ATP9B: variants seen among roughly 807,000 people sequenced by gnomAD.
ATP9B encodes probable phospholipid-transporting ATPase IIB.
ATP9B carries 110 observed loss-of-function variants against 146.1 expected under a neutral mutation model. The observed-to-expected ratio is 0.75, with a 90% CI of 0.65 to 0.88. ATP9B has a LOEUF of 0.88. ATP9B is among the 40% of genes least tolerant of loss of function. The probability of loss-of-function intolerance (pLI) is 0.00; values close to 1 mark genes in which losing one functional copy is unlikely to be tolerated. For missense variants in ATP9B, 1,499 were observed against 1,496.4 expected (o/e 1.00, Z -0.03); for synonymous variants, 604 against 569.7 (o/e 1.06, Z -0.86).
intron 7 of ATP9B, among the ~76,000 whole-genome samples, chr18:79,168,461 T>A (rs2095018681): frequency 6.6e-6 from 1 of 151,908 alleles, no homozygotes. Flanking sequence ...GGTGGAGGGC[T>A]GAGCTATGTG....
chr18:79,366,120 C>T (rs531377383), intron 26 of ATP9B, among the ~76,000 whole-genome samples: 24 of 152,352 alleles, frequency 1.6e-4, no homozygotes, highest in African/African-American at 5.3e-4. Context: ...TTTTACCGGA[C>T]ACCTGGGAGG....
At chr18:79,177,409 A>T (rs1339909381) in intron 8 of ATP9B, among the ~76,000 whole-genome samples, 7 of 145,080 alleles carry the variant, frequency 4.8e-5, no homozygotes, top group Non-Finnish European at 9.1e-5. Context: ...CCAGTTCTTA[A>T]TTTTTTTTTT....
intron 5 of ATP9B, among the ~76,000 whole-genome samples, chr18:79,130,093 G>C (rs900059534): frequency 6.6e-6 from 1 of 152,190 alleles, no homozygotes; most frequent in Non-Finnish European, 1.5e-5. Context: ...AAAACAAAAT[G>C]TGGCCCACTC....
chr18:79,291,664 C>G (rs1169918329), intron 13 of ATP9B, among the ~76,000 whole-genome samples: 2 of 152,144 alleles, frequency 1.3e-5, no homozygotes, highest in Admixed American at 1.3e-4. Context: ...ATAACAAACC[C>G]AAAAACTTTA....
intron 9 of ATP9B, among the ~76,000 whole-genome samples, chr18:79,201,525 G>T (rs1022694838): frequency 6.6e-5 from 10 of 152,234 alleles, no homozygotes; most frequent in Non-Finnish European, 1.2e-4. Flanking sequence ...GGTGGGAGTT[G>T]AGCCCAGGAG....
chr18:79,238,661 C>T (rs1382145603), intron 11 of ATP9B, among the ~76,000 whole-genome samples: 2 of 152,190 alleles, frequency 1.3e-5, no homozygotes, highest in African/African-American at 4.8e-5. Context: ...CAGCCTGTGG[C>T]GCCCCGGCCT....
intron 11 of ATP9B, among the ~76,000 whole-genome samples, chr18:79,230,937 G>A (rs1475751651): frequency 1.3e-5 from 2 of 152,130 alleles, no homozygotes; most frequent in African/African-American, 4.8e-5. Context: ...TTCAACAAAT[G>A]GTGGTGGGTT....
chr18:79,373,814 G>A, intron 27 of ATP9B, 84 bp from the exon 28 acceptor site: 5 of 1,419,932 alleles, frequency 3.5e-6, no homozygotes, highest in Non-Finnish European at 5.0e-6. Flanking sequence ...AGGGTCTTGA[G>A]TGACGTTGCT....
At chr18:79,134,123 T>C (rs1287156735) in intron 5 of ATP9B, among the ~76,000 whole-genome samples, 1 of 152,226 alleles carries the variant, frequency 6.6e-6, no homozygotes, top group Non-Finnish European at 1.5e-5. Context: ...CCTTCTGTGA[T>C]TTCCGAAGTG....
chr18:79,118,112 G>A (rs2094119885), intron 4 of ATP9B, among the ~76,000 whole-genome samples: 2 of 152,062 alleles, frequency 1.3e-5, no homozygotes, highest in South Asian at 4.1e-4. Flanking sequence ...CTTTGGGAAA[G>A]GAGACTTTGG....
chr18:79,190,431 T>C (rs1004377430), intron 8 of ATP9B, among the ~76,000 whole-genome samples: 2 of 152,118 alleles, frequency 1.3e-5, no homozygotes, highest in Non-Finnish European at 2.9e-5. Flanking sequence ...TTCCAACCCA[T>C]GTTGCTCAGG....
intron 7 of ATP9B, among the ~76,000 whole-genome samples, chr18:79,157,930 C>T (rs1291358607): frequency 6.6e-6 from 1 of 152,106 alleles, no homozygotes; most frequent in Non-Finnish European, 1.5e-5. Context: ...AAAGGTTTGT[C>T]AATCTTGTTG....
At chr18:79,069,580 C>G (rs962743674) in intron 1 of ATP9B, 51 bp downstream of exon 1, 74 of 1,183,124 alleles carry the variant, frequency 6.3e-5, no homozygotes, top group African/African-American at 1.5e-4. Context: ...CCCGGGGCCC[C>G]CAGCCCACCG....
intron 8 of ATP9B, 86 bp from the exon 9 acceptor site, chr18:79,193,097 A>C: frequency 1.0e-6 from 1 of 983,994 alleles, no homozygotes; most frequent in Non-Finnish European, 1.5e-6. Flanking sequence ...ATAATATATG[A>C]ACAATATTAA....
chr18:79,198,698 C>T (rs1161239181), intron 9 of ATP9B, among the ~76,000 whole-genome samples: 1 of 151,998 alleles, frequency 6.6e-6, no homozygotes, highest in South Asian at 2.1e-4. Context: ...GTGTATCTAA[C>T]CATAGAAAAG....
At chr18:79,081,319 G>A (rs1219186250) in intron 1 of ATP9B, among the ~76,000 whole-genome samples, 1 of 152,066 alleles carries the variant, frequency 6.6e-6, no homozygotes, top group Non-Finnish European at 1.5e-5. Flanking sequence ...TCTATTCAGG[G>A]ATTCAACTTC....
chr18:79,117,949 G>T (rs1267463537), intron 4 of ATP9B: 1 of 152,118 alleles, frequency 6.6e-6, no homozygotes, highest in African/African-American at 2.4e-5. Context: ...TTTTTATAAA[G>T]GTTATCTTAA....
chr18:79,279,587 C>A (rs867754836), intron 13 of ATP9B, among the ~76,000 whole-genome samples: 20 of 152,142 alleles, frequency 1.3e-4, no homozygotes, highest in African/African-American at 4.6e-4. Context: ...AGCAGCAATT[C>A]TGTACACCAG....
intron 1 of ATP9B, among the ~76,000 whole-genome samples, chr18:79,093,644 G>A (rs1229508484): frequency 6.6e-6 from 1 of 151,828 alleles, no homozygotes; most frequent in Non-Finnish European, 1.5e-5. Flanking sequence ...ATCTTTTCTG[G>A]TATTCTAATA....
Sources: gnomAD v4.1 joint callset for allele counts (sites outside exome capture counted in the v4.1 genomes callset) on GRCh38, gnomAD v4.1.1 for gene constraint, MANE v1.5 for transcripts, NCBI Gene and HGNC (gene_info 2026-07-23, HGNC 2026-07-21) for gene names.